The following CCSER1 variants were observed in gnomAD, a reference collection of about 807,000 sequenced individuals.
CCSER1 encodes coiled-coil serine rich protein 1.
In CCSER1, 41 loss-of-function variants were observed where a neutral mutation model predicts 82.0. The ratio of observed to expected loss-of-function variants is 0.50; its 90% CI spans 0.39 to 0.65. The LOEUF is 0.65. Among genes scored for constraint, CCSER1 ranks in the 30% least tolerant of loss-of-function variants. The pLI is 0.00. For missense variants in CCSER1, 1,119 were observed against 1,064.2 expected (o/e 1.05, Z -0.72); for synonymous variants, 414 against 383.9 (o/e 1.08, Z -0.92).
chr4:91,337,576 T>G (rs1747409231), intron 10 of CCSER1, among the ~76,000 whole-genome samples: 1 of 152,118 alleles, frequency 6.6e-6, no homozygotes, highest in Admixed American at 6.6e-5. Context: ...CCTGTTTGTC[T>G]GCTGAGTCTT....
intron 10 of CCSER1, among the ~76,000 whole-genome samples, chr4:91,459,012 G>T (rs1414239358): frequency 2.6e-5 from 4 of 151,710 alleles, no homozygotes; most frequent in South Asian, 2.1e-4. Context: ...GAACTTATGG[G>T]TTTTTTTTCC....
intron 3 of CCSER1, among the ~76,000 whole-genome samples, chr4:90,344,429 T>C (rs964595035): frequency 6.6e-6 from 1 of 152,192 alleles, no homozygotes; most frequent in African/African-American, 2.4e-5. Context: ...TGTGTAACTT[T>C]TTTTTTGACT....
intron 5 of CCSER1, among the ~76,000 whole-genome samples, chr4:90,558,741 A>G (rs894016534): frequency 2.6e-5 from 4 of 152,160 alleles, no homozygotes; most frequent in African/African-American, 9.7e-5. Context: ...AATAAAATAA[A>G]TGATGAAAAT....
chr4:91,290,900 A>G (rs982986316), intron 10 of CCSER1, among the ~76,000 whole-genome samples: 12 of 151,932 alleles, frequency 7.9e-5, no homozygotes, highest in African/African-American at 2.4e-4. Flanking sequence ...ATCCTAAAAC[A>G]AAATAAAAGA....
chr4:90,903,784 C>CTAAG, intron 8 of CCSER1, among the ~76,000 whole-genome samples: 1 of 148,348 alleles, frequency 6.7e-6, no homozygotes, highest in East Asian at 2.0e-4. Context: ...TTTCAGTGAG[C>CTAAG]TAAGATCACA....
In CCSER1 at chr4:90,293,798, A is replaced by T. The variant is rs554639110; in HGVS notation, c.-41-14446A>T. Among the ~76,000 whole-genome samples, 4 of 152,050 alleles carry T rather than the reference A, an allele frequency of 2.6e-5. No individual in the cohort carries two copies. In the East Asian group the frequency reaches 7.7e-4, roughly 29 times the overall value. ...ATATATAGTTTACTTAAAAATAAGT[A>T]AAATATAAACTGACAAACTAGCTTT... On this transcript the variant is annotated intron_variant, in intron 1 of 10. Transcript: ENST00000509176.
At chr4:90,173,439 A>G (rs1732106431) in intron 1 of CCSER1, among the ~76,000 whole-genome samples, 1 of 151,854 alleles carries the variant, frequency 6.6e-6, no homozygotes, top group Non-Finnish European at 1.5e-5. Flanking sequence ...AGGTCTCCCA[A>G]ACAAATTGAG....
chr4:90,945,283 A>T (rs1732096586), intron 9 of CCSER1, among the ~76,000 whole-genome samples: 1 of 152,124 alleles, frequency 6.6e-6, no homozygotes, highest in South Asian at 2.1e-4. Context: ...TATTTTTTAA[A>T]ATTATTTTTT....
chr4:91,452,337 C>T (rs1482968477), intron 10 of CCSER1, among the ~76,000 whole-genome samples: 2 of 151,976 alleles, frequency 1.3e-5, no homozygotes, highest in African/African-American at 4.8e-5. Flanking sequence ...TTCTGAACTC[C>T]ATGGACTCCA....
intron 8 of CCSER1, among the ~76,000 whole-genome samples, chr4:90,891,104 T>A (rs958203408): frequency 7.2e-5 from 11 of 151,846 alleles, no homozygotes; most frequent in African/African-American, 2.7e-4. Flanking sequence ...TTAGGAAACT[T>A]AACAAAAATG....
intron 3 of CCSER1, among the ~76,000 whole-genome samples, chr4:90,352,181 G>C (rs1037101803): frequency 6.6e-6 from 1 of 151,996 alleles, no homozygotes; most frequent in South Asian, 2.1e-4. Flanking sequence ...AAAATTAGCC[G>C]GGCGTGGTGG....
At chr4:91,441,458 A>T (rs1423297255) in intron 10 of CCSER1, among the ~76,000 whole-genome samples, 1 of 152,178 alleles carries the variant, frequency 6.6e-6, no homozygotes, top group Non-Finnish European at 1.5e-5. Flanking sequence ...TTAGGTATTG[A>T]TGGGACATAA....
chr4:90,167,888 G>C (rs1398706320), intron 1 of CCSER1, among the ~76,000 whole-genome samples: 1 of 152,008 alleles, frequency 6.6e-6, no homozygotes, highest in Non-Finnish European at 1.5e-5. Context: ...TGGACATTTG[G>C]GTTGGTTCCA....
Position 90,175,989 on chromosome 4 carries a change from A to G in CCSER1, c.-42+48158A>G, listed in dbSNP as rs535571008. 1.2e-4 allele frequency among the ~76,000 whole-genome samples: 19 copies of G among 152,128 alleles called. No individual in the cohort carries two copies. The East Asian group carries it at 3.5e-3, about 28-fold the overall frequency. On this transcript the variant is annotated intron_variant, in intron 1 of 10. Coordinates refer to ENST00000509176, the MANE Select transcript of CCSER1 (RefSeq NM_001145065.2). ...GAATGGAGGTGGGTATGGTATCAATAGAGTCATCAAGGGGAAAAATTGTAG... is the reference window on the plus strand; with the variant it reads ...GAATGGAGGTGGGTATGGTATCAATGGAGTCATCAAGGGGAAAAATTGTAG...
intron 10 of CCSER1, among the ~76,000 whole-genome samples, chr4:91,299,962 C>T (rs1363008759): frequency 6.6e-6 from 1 of 151,834 alleles, no homozygotes; most frequent in Admixed American, 6.6e-5. Context: ...GAGAAACACA[C>T]ACAAAAAAAC....
At chr4:90,168,864 T>C (rs1731048824) in intron 1 of CCSER1, among the ~76,000 whole-genome samples, 1 of 148,466 alleles carries the variant, frequency 6.7e-6, no homozygotes, top group South Asian at 2.2e-4. Context: ...TACCATGCTA[T>C]TTTGGTTACT....
intron 7 of CCSER1, among the ~76,000 whole-genome samples, chr4:90,763,426 C>T (rs1441017326): frequency 6.6e-6 from 1 of 152,080 alleles, no homozygotes; most frequent in Non-Finnish European, 1.5e-5. Flanking sequence ...AAAATTGTTT[C>T]AATGTTCTTT....
At chr4:90,424,734 T>C (rs1035062685) in intron 4 of CCSER1, among the ~76,000 whole-genome samples, 5 of 152,204 alleles carry the variant, frequency 3.3e-5, no homozygotes, top group African/African-American at 1.2e-4. Context: ...CAGTCCTCTT[T>C]CCTGATGTGC....
chr4:90,187,847 A>C (rs1158489691), intron 1 of CCSER1, among the ~76,000 whole-genome samples: 1 of 151,864 alleles, frequency 6.6e-6, no homozygotes, highest in East Asian at 1.9e-4. Context: ...ATTTCAAATA[A>C]AAGAGTTAAT....
Sources: gnomAD v4.1 joint callset for allele counts (sites outside exome capture counted in the v4.1 genomes callset) on GRCh38, gnomAD v4.1.1 for gene constraint, MANE v1.5 for transcripts, NCBI Gene and HGNC (gene_info 2026-07-23, HGNC 2026-07-21) for gene names.